The following UST variants were observed in gnomAD, a reference collection of about 807,000 sequenced individuals.
The protein encoded by UST is chondroitin sulfate 2-O-sulfotransferase.
A neutral mutation model predicts 45.6 loss-of-function variants in UST; 21 were observed. The ratio of observed to expected loss-of-function variants is 0.46; its 90% CI spans 0.33 to 0.66. The LOEUF (loss-of-function observed/expected upper bound fraction) is 0.66, where lower values mean the gene tolerates loss of function less well. Among genes scored for constraint, UST ranks in the 30% least tolerant of loss-of-function variants. The pLI, the probability that UST is intolerant of heterozygous loss-of-function variation, is 0.02. For synonymous variants in UST, 215 were observed against 200.6 expected, an observed-to-expected ratio of 1.07 and a Z score of -0.61; for missense variants, 463 against 512.4, an observed-to-expected ratio of 0.90 and a Z score of 0.93.
At chr6:148,858,420 G>A (rs763819497) in intron 1 of UST, among the ~76,000 whole-genome samples, 3 of 152,080 alleles carry the variant, frequency 2.0e-5, no homozygotes, top group Non-Finnish European at 4.4e-5. Flanking sequence ...GATAGAGGGT[G>A]GGTCTGCCTC....
At chr6:148,881,288 A>G (rs763498477) in intron 1 of UST, among the ~76,000 whole-genome samples, 1 of 152,080 alleles carries the variant, frequency 6.6e-6, no homozygotes, top group South Asian at 2.1e-4. Flanking sequence ...TAGGTGACAA[A>G]CTCAGAAAGT....
chr6:148,770,977 C>T (rs1031211712), intron 1 of UST, among the ~76,000 whole-genome samples: 3 of 151,930 alleles, frequency 2.0e-5, no homozygotes, highest in Non-Finnish European at 4.4e-5. Flanking sequence ...ACAAGACAAA[C>T]AACTTTTATC....
intron 4 of UST, among the ~76,000 whole-genome samples, chr6:148,959,975 G>C (rs994575898): frequency 3.9e-5 from 6 of 151,912 alleles, no homozygotes; most frequent in Non-Finnish European, 7.4e-5. Flanking sequence ...ACTGTGACGG[G>C]CTCCAGCAAA....
chr6:148,864,020 C>G (rs1327332834), intron 1 of UST, among the ~76,000 whole-genome samples: 2 of 152,222 alleles, frequency 1.3e-5, no homozygotes, highest in African/African-American at 2.4e-5. Context: ...AACCACTACT[C>G]TCTTCAAAGC....
rs138474109 is a variant in UST at position 148,889,941 on chromosome 6, G to A, written c.291+2912G>A. Among the ~76,000 whole-genome samples, 270 of 149,002 alleles carry A rather than the reference G, an allele frequency of 1.8e-3. 2 individuals are homozygous for A. Among genetic ancestry groups the A allele is most frequent in the African/African-American group, 6.4e-3 (257 of 40,256 alleles). ...CCCCAACCCCTAACTAAAGCTTCTT[G>A]TAATATGCAAAAATGATCAGGTTAT... On this transcript the variant is annotated intron_variant, in intron 2 of 7. Coordinates refer to ENST00000367463, the MANE Select transcript of UST (RefSeq NM_005715.3).
chr6:148,860,677 C>G (rs1778294774), intron 1 of UST, among the ~76,000 whole-genome samples: 1 of 152,086 alleles, frequency 6.6e-6, no homozygotes, highest in Non-Finnish European at 1.5e-5. Context: ...TCCATCAATA[C>G]CTAGTTTATT....
intron 1 of UST, among the ~76,000 whole-genome samples, chr6:148,773,733 CAG>C (rs578178398): frequency 1.1e-3 from 167 of 152,262 alleles, no homozygotes; most frequent in African/African-American, 3.9e-3. Context: ...GGACAGATGT[CAG>C]AGTGAAGGTG....
At chr6:148,840,931 TG>T (rs1314004599) in intron 1 of UST, among the ~76,000 whole-genome samples, 11 of 152,046 alleles carry the variant, frequency 7.2e-5, no homozygotes, top group Admixed American at 7.2e-4. Context: ...TCGCACAGCT[TG>T]GTGTGTGTCC....
intron 5 of UST, among the ~76,000 whole-genome samples, chr6:148,979,701 A>G (rs1483619567): frequency 1.3e-5 from 2 of 152,328 alleles, no homozygotes; most frequent in Non-Finnish European, 2.9e-5. Context: ...GAGAACTTCA[A>G]AGTGATGACA....
chr6:148,800,688 T>C (rs1562261989), intron 1 of UST, among the ~76,000 whole-genome samples: 3 of 152,120 alleles, frequency 2.0e-5, no homozygotes, highest in Admixed American at 6.5e-5. Context: ...CTTGCATAGT[T>C]ACTGTTTTGG....
intron 6 of UST, among the ~76,000 whole-genome samples, chr6:149,021,048 G>A (rs111942504): frequency 7.8e-4 from 119 of 152,230 alleles, no homozygotes; most frequent in Admixed American, 1.8e-3. Context: ...GCATTCATTC[G>A]TCCACAATAC....
chr6:149,026,779 G>C (rs1334262510), intron 7 of UST, among the ~76,000 whole-genome samples: 1 of 152,132 alleles, frequency 6.6e-6, no homozygotes, highest in Non-Finnish European at 1.5e-5. Context: ...CTTTTACTTT[G>C]TGTTTTAAAT....
At chr6:148,951,732 G>A (rs141497559) in intron 3 of UST, among the ~76,000 whole-genome samples, 148 of 152,274 alleles carry the variant, frequency 9.7e-4, no homozygotes, top group Non-Finnish European at 1.6e-3. Flanking sequence ...AGATCAAACC[G>A]GCTGAGAGCT....
rs9638007 is a variant in UST at position 148,902,193 on chromosome 6, T to C, written c.291+15164T>C. ...CAGATACTTGGTGGACTTTGCAATCTAGAAACAGATACCCTGTTCTGGAAA... is the reference window on the plus strand; with the variant it reads ...CAGATACTTGGTGGACTTTGCAATCCAGAAACAGATACCCTGTTCTGGAAA... On this transcript the variant is annotated intron_variant, in intron 2 of 7. Transcript: ENST00000367463. Among the ~76,000 whole-genome samples the C allele has an allele frequency of 0.017, 2,524 of 152,274 alleles. 215 individuals are homozygous for C. In the East Asian group the frequency reaches 0.26, roughly 16 times the overall value.
At chr6:148,782,672 C>T (rs952054221) in intron 1 of UST, among the ~76,000 whole-genome samples, 5 of 151,966 alleles carry the variant, frequency 3.3e-5, no homozygotes, top group Non-Finnish European at 7.4e-5. Flanking sequence ...GCTGGTCTCT[C>T]GAACTCCTGA....
chr6:148,797,070 G>A (rs537771912), intron 1 of UST, among the ~76,000 whole-genome samples: 3 of 152,148 alleles, frequency 2.0e-5, no homozygotes, highest in South Asian at 2.1e-4. Flanking sequence ...TAGGATTATA[G>A]GCATGAGCCA....
chr6:149,023,155 G>GGT (rs1184725196), intron 7 of UST, among the ~76,000 whole-genome samples: 1 of 148,870 alleles, frequency 6.7e-6, no homozygotes, highest in East Asian at 2.0e-4. Flanking sequence ...TGTGTGGTGT[G>GGT]GTGTGGTGTG....
intron 1 of UST, among the ~76,000 whole-genome samples, chr6:148,874,733 G>A (rs980062006): frequency 9.9e-5 from 15 of 152,216 alleles, no homozygotes; most frequent in African/African-American, 3.1e-4. Flanking sequence ...TTTTGGGGCT[G>A]CATTAATTAT....
intron 7 of UST, among the ~76,000 whole-genome samples, chr6:149,050,824 G>A (rs1028474000): frequency 6.6e-6 from 1 of 152,198 alleles, no homozygotes; most frequent in Non-Finnish European, 1.5e-5. Context: ...TACTGGATGT[G>A]GAGGTGAATT....
Sources: allele counts gnomAD v4.1 joint callset (sites outside exome capture counted in the v4.1 genomes callset), GRCh38; gene constraint gnomAD v4.1.1; transcripts MANE v1.5; gene names NCBI Gene and HGNC (gene_info 2026-07-23, HGNC 2026-07-21).